Variants in FGF14 observed in about 807,000 individuals in gnomAD.
FGF14 encodes fibroblast growth factor homologous factor 4.
FGF14 carries 5 observed loss-of-function variants against 25.5 expected under a neutral mutation model. The observed-to-expected ratio is 0.20, with a 90% CI of 0.10 to 0.41. The LOEUF (loss-of-function observed/expected upper bound fraction) is 0.41. Ranked by LOEUF, FGF14 falls within the 10% of genes least tolerant of loss-of-function variation. The probability of loss-of-function intolerance (pLI) is 1.00; values close to 1 mark genes in which losing one functional copy is unlikely to be tolerated. For missense variants in FGF14, 222 were observed against 320.1 expected (o/e 0.69, Z 2.34); for synonymous variants, 138 against 118.3 (o/e 1.17, Z -1.08).
At chr13:102,367,373 T>C (rs2057744396) in intron 1 of FGF14, 1 of 152,246 alleles carries the variant, frequency 6.6e-6, no homozygotes, top group Non-Finnish European at 1.5e-5. Context: ...CCCCACCTGA[T>C]GGCAGCTGGC....
At chr13:101,999,621 A>G (rs2039372818) in intron 1 of FGF14, among the ~76,000 whole-genome samples, 1 of 152,190 alleles carries the variant, frequency 6.6e-6, no homozygotes, top group Non-Finnish European at 1.5e-5. Context: ...AGCTTCCACT[A>G]GAATTCCATG....
intron 1 of FGF14, among the ~76,000 whole-genome samples, chr13:101,923,548 T>TG (rs1425923452): frequency 5.3e-5 from 8 of 152,130 alleles, no homozygotes; most frequent in Admixed American, 6.5e-5. Context: ...ACTGACTGCT[T>TG]ATCCGCTCAT....
chr13:101,752,454 C>A (rs991167317), intron 3 of FGF14, among the ~76,000 whole-genome samples: 3 of 152,082 alleles, frequency 2.0e-5, no homozygotes, highest in African/African-American at 4.8e-5. Flanking sequence ...ACAAACAAGT[C>A]TTAATATTGT....
rs562691257 is a variant in FGF14 at position 101,938,590 on chromosome 13, C to G, written c.209-63294G>C. Among the ~76,000 whole-genome samples the G allele has an allele frequency of 5.3e-5, 8 of 152,268 alleles. No homozygotes were observed. The South Asian group carries it at 6.2e-4, about 12-fold the overall frequency. On this transcript the variant is annotated intron_variant, in intron 1 of 4. Transcript: ENST00000376131. Reference sequence around the variant, plus strand: ...TTGTAGAAAATTAGTATTTATTTTTCCCTTTTATAAATTAATGAGGATTAT... The same window carrying G: ...TTGTAGAAAATTAGTATTTATTTTTGCCTTTTATAAATTAATGAGGATTAT...
chr13:102,133,340 G>C (rs934761134), intron 1 of FGF14, among the ~76,000 whole-genome samples: 4 of 152,098 alleles, frequency 2.6e-5, no homozygotes, highest in Admixed American at 1.3e-4. Context: ...ATGAATGGCT[G>C]TTTACATTTT....
intron 3 of FGF14, among the ~76,000 whole-genome samples, chr13:101,866,610 GATA>G (rs1295911547): frequency 6.6e-6 from 1 of 150,836 alleles, no homozygotes; most frequent in Non-Finnish European, 1.5e-5. Flanking sequence ...TATTTTATAG[GATA>G]ATAATTGCTA....
At chr13:102,367,564 CAGG>C (rs1436326185) in intron 1 of FGF14, 1 of 151,316 alleles carries the variant, frequency 6.6e-6, no homozygotes, top group African/African-American at 2.4e-5. Flanking sequence ...GCAAGGATGA[CAGG>C]AGCCATCTTG....
At chr13:101,876,520 T>A (rs2045402865) in intron 1 of FGF14, among the ~76,000 whole-genome samples, 1 of 152,196 alleles carries the variant, frequency 6.6e-6, no homozygotes, top group African/African-American at 2.4e-5. Flanking sequence ...TCTATTTCTA[T>A]GCACATCATT....
intron 1 of FGF14, among the ~76,000 whole-genome samples, chr13:102,365,117 G>A (rs956486455): frequency 1.3e-5 from 2 of 151,954 alleles, no homozygotes; most frequent in East Asian, 3.9e-4. Context: ...CTCTAATTTC[G>A]GCATCCTTTT....
Position 101,711,925 on chromosome 13 carries a change from CAG to C in FGF14, c.*10904_*10905del, listed in dbSNP as rs1040588223. 1.3e-5 allele frequency: 2 copies of C among 152,310 alleles called. No homozygotes were observed. Among genetic ancestry groups the C allele is most frequent in the African/African-American group, 2.4e-5 (1 of 41,442 alleles). The allele number at this position is 152,310 out of a possible 1,614,324, so 9.4% of individuals were successfully genotyped here. The stretch of plus-strand genomic sequence containing the variant: ...GCTGTTCTCTGGCTAGGCTGGGTCT[CAG>C]GGGTGTGAGTGGGTCTTGGCCAGCT... On this transcript the variant is annotated 3_prime_UTR_variant, in exon 5 of 5. Coordinates refer to ENST00000376143, the MANE Select transcript of FGF14 (RefSeq NM_004115.4).
intron 3 of FGF14, among the ~76,000 whole-genome samples, chr13:101,814,266 A>C (rs968105073): frequency 1.3e-5 from 2 of 152,220 alleles, no homozygotes; most frequent in Non-Finnish European, 2.9e-5. Flanking sequence ...ATTCAGGTTT[A>C]AGAAACCTTG....
rs187453888 is a variant in FGF14 at position 102,182,337 on chromosome 13, T to C, written c.208+219134A>G. On this transcript the variant is annotated intron_variant, in intron 1 of 4. Coordinates refer to the FGF14 transcript ENST00000376131. ...ACAGCAGACTCTACCTCAGAGCCTC[T>C]GGAGGGGCAGAGCCCTGCCGACGCC... Among the ~76,000 whole-genome samples, 564 of 152,272 alleles carry C rather than the reference T, an allele frequency of 3.7e-3. 2 individuals are homozygous for C. The highest frequency in any genetic ancestry group is 5.5e-3 in the Non-Finnish European group (377 of 68,020).
intron 1 of FGF14, among the ~76,000 whole-genome samples, chr13:102,094,198 C>G (rs1352453083): frequency 6.6e-6 from 1 of 151,698 alleles, no homozygotes; most frequent in African/African-American, 2.4e-5. Context: ...TATGTAGATA[C>G]AGAATTGCTA....
At chr13:101,733,268 GT>G (rs1283387574) in intron 3 of FGF14, among the ~76,000 whole-genome samples, 1 of 152,090 alleles carries the variant, frequency 6.6e-6, no homozygotes, top group East Asian at 1.9e-4. Flanking sequence ...GGTTGTGTGT[GT>G]ACCTCAAATA....
intron 1 of FGF14, among the ~76,000 whole-genome samples, chr13:102,200,541 T>G (rs1038855410): frequency 3.9e-5 from 6 of 151,928 alleles, no homozygotes; most frequent in Admixed American, 1.3e-4. Context: ...ATATTATATG[T>G]TAGAAAAACG....
chr13:101,821,704 T>G (rs1448581161), intron 3 of FGF14, among the ~76,000 whole-genome samples: 2 of 152,234 alleles, frequency 1.3e-5, no homozygotes, highest in African/African-American at 4.8e-5. Context: ...CAGCATTCAG[T>G]ATTCTCAGCC....
In FGF14 at chr13:101,838,988, A is replaced by G. The variant is rs550790426; in HGVS notation, c.408+29737T>C. Among the ~76,000 whole-genome samples, 79 of 152,136 alleles carry G rather than the reference A, an allele frequency of 5.2e-4. 1 individual carries two copies. The highest frequency in any genetic ancestry group is 1.8e-3 in the African/African-American group (76 of 41,554). On this transcript the variant is annotated intron_variant, in intron 3 of 4. Transcript: ENST00000376143. Reference sequence around the variant, plus strand: ...CGAGGTTTCAAAATTATTGACACAGATGCCCAGACCCTTTCCCAAACCATT... The same window carrying G: ...CGAGGTTTCAAAATTATTGACACAGGTGCCCAGACCCTTTCCCAAACCATT...
chr13:101,828,436 T>A (rs1390210478), intron 3 of FGF14, among the ~76,000 whole-genome samples: 1 of 151,970 alleles, frequency 6.6e-6, no homozygotes. Flanking sequence ...GTCAAACAAT[T>A]GATAGAACTA....
At chr13:102,205,162 T>C (rs2049847827) in intron 1 of FGF14, among the ~76,000 whole-genome samples, 1 of 152,182 alleles carries the variant, frequency 6.6e-6, no homozygotes, top group Non-Finnish European at 1.5e-5. Context: ...CTTTGGTACA[T>C]GGCATTAGGT....
Sources: gnomAD v4.1 joint callset for allele counts (sites outside exome capture counted in the v4.1 genomes callset) on GRCh38, gnomAD v4.1.1 for gene constraint, MANE v1.5 for transcripts, NCBI Gene and HGNC (gene_info 2026-07-23, HGNC 2026-07-21) for gene names.